MYH15: variants seen among roughly 807,000 people sequenced by gnomAD.
The protein encoded by MYH15 is myosin heavy chain 15.
MYH15 carries 227 observed loss-of-function variants against 240.5 expected under a neutral mutation model. The ratio of observed to expected loss-of-function variants is 0.94; its 90% CI spans 0.85 to 1.05. MYH15 has a LOEUF of 1.05. Ranked by LOEUF, MYH15 falls within the 50% of genes least tolerant of loss-of-function variation. MYH15 has a pLI of 0.00. For synonymous variants in MYH15, 785 were observed against 796.7 expected, an observed-to-expected ratio of 0.99 and a Z score of 0.25; for missense variants, 2,217 against 2,247.5, an observed-to-expected ratio of 0.99 and a Z score of 0.27.
chr3:108,492,236 C>T (rs1266269068), intron 9 of MYH15, among the ~76,000 whole-genome samples: 1 of 97,678 alleles, frequency 1.0e-5, no homozygotes, highest in African/African-American at 3.1e-5. Context: ...ACTCACTCAC[C>T]TCTGCTGGGC....
chr3:108,392,491 G>A (rs1219659129), intron 36 of MYH15, among the ~76,000 whole-genome samples: 2 of 152,280 alleles, frequency 1.3e-5, no homozygotes, highest in East Asian at 3.9e-4. Flanking sequence ...TGTGTACAAG[G>A]GCTTGGTGTC....
chr3:108,415,677 A>T (rs577900289), intron 29 of MYH15, among the ~76,000 whole-genome samples: 1 of 152,314 alleles, frequency 6.6e-6, no homozygotes, highest in South Asian at 2.1e-4. Flanking sequence ...CCTTCTCATC[A>T]TCCCTCTAAG....
intron 2 of MYH15, 31 bp from the exon 3 acceptor site, chr3:108,501,886 T>C (rs1576272359): frequency 6.2e-7 from 1 of 1,603,994 alleles, no homozygotes; most frequent in East Asian, 2.2e-5. Context: ...TATGATATAT[T>C]CCCCTGTCTC....
chr3:108,501,294 A>G (rs1382027044), intron 3 of MYH15, among the ~76,000 whole-genome samples: 1 of 152,218 alleles, frequency 6.6e-6, no homozygotes, highest in Non-Finnish European at 1.5e-5. Flanking sequence ...TGAAGAAATC[A>G]TCTCACTCAT....
intron 1 of MYH15, among the ~76,000 whole-genome samples, chr3:108,517,461 T>C (rs997468087): frequency 6.6e-6 from 1 of 152,172 alleles, no homozygotes; most frequent in African/African-American, 2.4e-5. Flanking sequence ...GCCTCCCAAG[T>C]ACCTGGGATT....
At chr3:108,458,150 T>A (rs765983989) in intron 18 of MYH15, among the ~76,000 whole-genome samples, 3 of 152,242 alleles carry the variant, frequency 2.0e-5, no homozygotes, top group Non-Finnish European at 4.4e-5. Flanking sequence ...AATAACTGTT[T>A]TGATTAGATC....
chr3:108,516,799 G>T (rs963768589), intron 1 of MYH15, among the ~76,000 whole-genome samples: 1 of 152,134 alleles, frequency 6.6e-6, no homozygotes, highest in Non-Finnish European at 1.5e-5. Context: ...AATGTTAAAC[G>T]GTTGAATTAC....
intron 28 of MYH15, 61 bp downstream of exon 28, chr3:108,421,027 T>C: frequency 1.2e-6 from 2 of 1,605,218 alleles, no homozygotes; most frequent in African/African-American, 1.3e-5. Context: ...ATCTCAGTTG[T>C]GCCTTCATGA....
chr3:108,417,106 G>A (rs1055164125), intron 28 of MYH15, among the ~76,000 whole-genome samples, 176 bp from the exon 29 acceptor site: 2 of 152,108 alleles, frequency 1.3e-5, no homozygotes, highest in Admixed American at 1.3e-4. Flanking sequence ...TCCTTTCCAG[G>A]ACTCAGAAGA....
intron 40 of MYH15, among the ~76,000 whole-genome samples, chr3:108,382,084 C>T (rs1355182729): frequency 6.6e-6 from 1 of 152,210 alleles, no homozygotes; most frequent in Non-Finnish European, 1.5e-5. Context: ...TGCATGGCAT[C>T]TGTTTTGAAG....
upstream of MYH15, among the ~76,000 whole-genome samples, chr3:108,513,311 T>C (rs2083535166): frequency 6.6e-6 from 1 of 152,158 alleles, no homozygotes; most frequent in Non-Finnish European, 1.5e-5. Context: ...TATCGGAGAA[T>C]TCTGACACCA....
At chr3:108,391,591 A>G (rs1350353713) in intron 37 of MYH15, among the ~76,000 whole-genome samples, 169 bp downstream of exon 37, 1 of 152,170 alleles carries the variant, frequency 6.6e-6, no homozygotes, top group African/African-American at 2.4e-5. Flanking sequence ...AAAGTCAAGC[A>G]AAGAATGAAT....
At chr3:108,460,157 T>C in intron 17 of MYH15, 143 bp downstream of exon 17, 2 of 661,428 alleles carry the variant, frequency 3.0e-6, no homozygotes, top group Non-Finnish European at 5.0e-6. Context: ...AAGCCCTTGA[T>C]AATAACAGCA....
intron 28 of MYH15, among the ~76,000 whole-genome samples, chr3:108,418,993 T>C (rs2082659910): frequency 6.6e-6 from 1 of 152,178 alleles, no homozygotes; most frequent in Non-Finnish European, 1.5e-5. Context: ...CCTCAAGTGA[T>C]CCGCCTACCT....
At position 108,430,925 on chromosome 3, in the gene MYH15, G is replaced by GAAA. The variant is rs2082773771; in HGVS notation, c.3222-4_3222-3insTTT. Reference sequence around the variant, plus strand: ...TCTGACTCAATTCTAATTCTTTTCTGTTTAGAAAAAGATATCAAATACAAT... The same window carrying GAAA: ...TCTGACTCAATTCTAATTCTTTTCTGAAATTTAGAAAAAGATATCAAATACAAT... On this transcript the variant is annotated splice_polypyrimidine_tract_variant and splice_region_variant and intron_variant, in intron 25 of 40. Transcript: ENST00000693548. 1 of 1,588,224 alleles carries GAAA rather than the reference G, an allele frequency of 6.3e-7. No individual in the cohort carries two copies.
chr3:108,516,710 C>T (rs2083575300), intron 1 of MYH15, among the ~76,000 whole-genome samples: 2 of 152,188 alleles, frequency 1.3e-5, no homozygotes, highest in African/African-American at 4.8e-5. Flanking sequence ...AGCTACGCTA[C>T]CTGCAATTTA....
chr3:108,418,037 T>C (rs985830909), intron 28 of MYH15, among the ~76,000 whole-genome samples: 1 of 152,216 alleles, frequency 6.6e-6, no homozygotes, highest in African/African-American at 2.4e-5. Flanking sequence ...AGCTCCTATT[T>C]TGTTATTGGC....
chr3:108,422,367 G>A (rs1382288891), intron 27 of MYH15, among the ~76,000 whole-genome samples: 7 of 152,028 alleles, frequency 4.6e-5, no homozygotes, highest in African/African-American at 9.6e-5. Context: ...ATAGGCATGC[G>A]CCACCATGCC....
In MYH15 at chr3:108,394,136, C is replaced by T. The variant is rs756953705; in HGVS notation, c.5154G>A (p.Gln1718=). ...FYTQNTSLLS[Q]KKKLEADVAR... ...CAACATCAGCCTCCAGTTTCTTCTT[C>T]TGGCTGAGGAGGCTTGTGTTCTAAA... Residue 1718 remains glutamine (Q), a synonymous_variant, in exon 36 of 41, where the codon CAG becomes CAA. Coordinates refer to ENST00000693548, the MANE Select transcript of MYH15 (RefSeq NM_014981.3). 2 of 1,614,084 alleles carry T rather than the reference C, an allele frequency of 1.2e-6. No homozygotes were observed. Among genetic ancestry groups the T allele is most frequent in the Admixed American group, 3.3e-5 (2 of 60,020 alleles).
Sources: allele counts gnomAD v4.1 joint callset (sites outside exome capture counted in the v4.1 genomes callset), GRCh38; gene constraint gnomAD v4.1.1; transcripts MANE v1.5; gene names NCBI Gene and HGNC (gene_info 2026-07-23, HGNC 2026-07-21).